Variants in NEDD9 observed in about 807,000 individuals in gnomAD.
NEDD9 encodes the protein enhancer of filamentation 1.
A neutral mutation model predicts 76.6 loss-of-function variants in NEDD9; 26 were observed. The observed-to-expected ratio is 0.34, with a 90% CI of 0.25 to 0.47. The LOEUF (loss-of-function observed/expected upper bound fraction) is 0.47, where lower values mean the gene tolerates loss of function less well. NEDD9 is among the 20% of genes least tolerant of loss of function. NEDD9 has a pLI of 1.00. For missense variants in NEDD9, 937 were observed against 1,058.5 expected, an observed-to-expected ratio of 0.89 and a Z score of 1.59; for synonymous variants, 392 against 414.2, an observed-to-expected ratio of 0.95 and a Z score of 0.65.
At chr6:11,349,724 A>C (rs1208780446) in intron 1 of NEDD9, among the ~76,000 whole-genome samples, 1 of 152,228 alleles carries the variant, frequency 6.6e-6, no homozygotes, top group Non-Finnish European at 1.5e-5. Flanking sequence ...AATAATAAGA[A>C]CACATGGATA....
rs766381480 is a variant in NEDD9 at position 11,342,062 on chromosome 6, G to A, written c.-213-7501C>T. 9.2e-5 allele frequency among the ~76,000 whole-genome samples: 14 copies of A among 152,200 alleles called. No individual in the cohort carries two copies. The South Asian group carries it at 1.4e-3, about 16-fold the overall frequency. On this transcript the variant is annotated intron_variant, in intron 1 of 3. Transcript: ENST00000397378. ...CAATGCCTGAAGTGAATCATTCATC[G>A]GAAGAGCTTGCCAGCAGGTTGGAGA... is the stretch of plus-strand genomic sequence containing the variant.
rs201918546 is a variant in NEDD9 at position 11,190,723 on chromosome 6, C to A, written c.1146G>T (p.Thr382=). ...AGGACTCCTTGGAGGAGGTGGAAGACGTGGACATGTTACTCCGGGTGCTGC... is the reference window on the plus strand; with the variant it reads ...AGGACTCCTTGGAGGAGGTGGAAGAAGTGGACATGTTACTCCGGGTGCTGC... ...STGSTRSNMS[T]SSTSSKESSL... is the part of the protein sequence containing the mutation. The change falls in exon 5 of 7, where the codon ACG becomes ACT. Residue 382 remains threonine, a synonymous_variant. Coordinates refer to ENST00000379446, the MANE Select transcript of NEDD9 (RefSeq NM_006403.4). The surrounding 1 kb of genome is among the most constrained non-coding windows in gnomAD (Gnocchi z 5.8). 1.6e-5 allele frequency: 26 copies of A among 1,614,102 alleles called. No homozygotes were observed. Among genetic ancestry groups the A allele is most frequent in the Non-Finnish European group, 2.2e-5 (26 of 1,180,020 alleles).
At chr6:11,186,372 A>G (rs1048147643) in intron 6 of NEDD9, among the ~76,000 whole-genome samples, 5 of 152,200 alleles carry the variant, frequency 3.3e-5, no homozygotes, top group African/African-American at 1.2e-4. Context: ...CAGATGCATC[A>G]GGTGCTGGCT....
chr6:11,263,458 GA>G (rs1172541335), intron 3 of NEDD9, among the ~76,000 whole-genome samples: 3 of 152,122 alleles, frequency 2.0e-5, no homozygotes, highest in Non-Finnish European at 4.4e-5. Flanking sequence ...GAAAGTAGTG[GA>G]AAAAAACCCT....
chr6:11,340,790 C>T lies in NEDD9; in HGVS notation c.-213-6229G>A, dbSNP rs569997121. On this transcript the variant is annotated intron_variant, in intron 1 of 3. Transcript: ENST00000397378. ...TTTGTCCTGGAGGTGTTTCCAAGAG[C>T]TAGTGTGATTCTGTTAAAACCTAAA... 1.1e-4 allele frequency among the ~76,000 whole-genome samples: 16 copies of T among 152,346 alleles called. No homozygotes were observed. In the South Asian group the frequency reaches 3.3e-3, roughly 32 times the overall value.
At chr6:11,259,115 C>T (rs1760058664) in intron 3 of NEDD9, 1 of 152,186 alleles carries the variant, frequency 6.6e-6, no homozygotes, top group South Asian at 2.1e-4. Context: ...TGCAGGCAGG[C>T]TGAGAAGCCT....
At chr6:11,275,919 C>A (rs979745427) in intron 3 of NEDD9, among the ~76,000 whole-genome samples, 3 of 152,056 alleles carry the variant, frequency 2.0e-5, no homozygotes, top group Non-Finnish European at 4.4e-5. Context: ...AAAATGAGAA[C>A]CGAAGATAGG....
At chr6:11,327,775 CA>C (rs1159688484) in intron 2 of NEDD9, among the ~76,000 whole-genome samples, 2 of 152,220 alleles carry the variant, frequency 1.3e-5, no homozygotes, top group African/African-American at 2.4e-5. Context: ...GGTGCCTGGA[CA>C]AAGTTTCTGC....
At chr6:11,295,095 T>A (rs1760860755) in intron 3 of NEDD9, among the ~76,000 whole-genome samples, 1 of 152,216 alleles carries the variant, frequency 6.6e-6, no homozygotes, top group African/African-American at 2.4e-5. Flanking sequence ...GGTGAGTCCA[T>A]TAAACCTCTT....
At chr6:11,246,438 A>G (rs1759809699) in intron 3 of NEDD9, among the ~76,000 whole-genome samples, 1 of 152,122 alleles carries the variant, frequency 6.6e-6, no homozygotes, top group African/African-American at 2.4e-5. Flanking sequence ...GTGGTCCCCC[A>G]GGCCCCGGGC....
intron 2 of NEDD9, among the ~76,000 whole-genome samples, chr6:11,320,047 G>T (rs907073166): frequency 6.6e-6 from 1 of 152,174 alleles, no homozygotes; most frequent in Admixed American, 6.5e-5. Context: ...CTGTCCTGTG[G>T]TCTCCCAGCT....
intron 3 of NEDD9, among the ~76,000 whole-genome samples, chr6:11,257,782 T>C (rs1760033639): frequency 6.6e-6 from 1 of 150,706 alleles, no homozygotes; most frequent in Non-Finnish European, 1.5e-5. Context: ...ATTCTGTGTG[T>C]GTGTGTGTGT....
intron 2 of NEDD9, among the ~76,000 whole-genome samples, chr6:11,320,854 T>C (rs2113470499): frequency 1.3e-5 from 2 of 152,188 alleles, no homozygotes; most frequent in African/African-American, 2.4e-5. Flanking sequence ...TTCATATATA[T>C]TGAAAGCACT....
chr6:11,208,988 A>T (rs559490010), intron 2 of NEDD9, among the ~76,000 whole-genome samples: 2 of 152,348 alleles, frequency 1.3e-5, no homozygotes, highest in East Asian at 1.9e-4. Flanking sequence ...AAATTATTCG[A>T]CTATGAGTAA....
chr6:11,358,102 G>C (rs1433605030), intron 1 of NEDD9, among the ~76,000 whole-genome samples: 3 of 152,030 alleles, frequency 2.0e-5, no homozygotes, highest in African/African-American at 7.2e-5. Flanking sequence ...CAAAAAATTA[G>C]CCGGGCGTGC....
intron 2 of NEDD9, among the ~76,000 whole-genome samples, chr6:11,311,899 C>G (rs1005157008): frequency 6.6e-6 from 1 of 152,190 alleles, no homozygotes; most frequent in Admixed American, 6.5e-5. Flanking sequence ...CCCAGTGGCC[C>G]ACTTTGAGTC....
chr6:11,198,119 T>G lies in NEDD9; in HGVS notation c.460-4427A>C, dbSNP rs185407758. ...TCCTTCTACCGAAAGAGGGAAGACA[T>G]TGCGCCCTGTGTTGCCAGATCTTTC... On this transcript the variant is annotated intron_variant, in intron 2 of 6. Transcript: ENST00000379446. This position sits in a 1 kb window ranked among gnomAD's most constrained non-coding sequence, Gnocchi z 4.7. 1.1e-4 allele frequency among the ~76,000 whole-genome samples: 16 copies of G among 152,262 alleles called. No homozygotes were observed. The highest frequency in any genetic ancestry group is 6.2e-4 in the South Asian group (3 of 4,818).
chr6:11,364,592 G>T (rs149924602), intron 1 of NEDD9, among the ~76,000 whole-genome samples: 1 of 152,146 alleles, frequency 6.6e-6, no homozygotes, highest in African/African-American at 2.4e-5. Flanking sequence ...TGACTCCACA[G>T]CTTTTGCTTG....
intron 1 of NEDD9, among the ~76,000 whole-genome samples, chr6:11,343,893 T>C (rs1762319123): frequency 6.6e-6 from 1 of 152,210 alleles, no homozygotes; most frequent in Non-Finnish European, 1.5e-5. Flanking sequence ...GTTGGCATGC[T>C]ATGTGAGGTG....
Sources: gnomAD v4.1 joint callset for allele counts (sites outside exome capture counted in the v4.1 genomes callset) on GRCh38, gnomAD v4.1.1 for gene constraint, Gnocchi (gnomAD v3.1) non-coding constraint, MANE v1.5 for transcripts, NCBI Gene and HGNC (gene_info 2026-07-23, HGNC 2026-07-21) for gene names.